MAK: variants seen among roughly 807,000 people sequenced by gnomAD.
The protein encoded by MAK is serine/threonine-protein kinase MAK.
A neutral mutation model predicts 82.6 loss-of-function variants in MAK; 65 were observed. The observed-to-expected ratio is 0.79, with a 90% CI of 0.64 to 0.97. The LOEUF is 0.97. Ranked by LOEUF, MAK falls within the 50% of genes least tolerant of loss-of-function variation. The pLI is 0.00. For synonymous variants in MAK, 250 were observed against 274.2 expected (o/e 0.91, Z 0.87); for missense variants, 703 against 780.2 (o/e 0.90, Z 1.18).
chr6:10,816,830 T>C (rs1777536490), intron 4 of MAK, among the ~76,000 whole-genome samples: 1 of 152,144 alleles, frequency 6.6e-6, no homozygotes, highest in Non-Finnish European at 1.5e-5. Context: ...TATTTATAAC[T>C]ATAAAGACTA....
intron 2 of MAK, among the ~76,000 whole-genome samples, chr6:10,824,403 G>A (rs570886458): frequency 6.6e-6 from 1 of 152,186 alleles, no homozygotes; most frequent in Admixed American, 6.6e-5. Context: ...TGTTCAACTT[G>A]TGGCTATTCC....
intron 2 of MAK, among the ~76,000 whole-genome samples, chr6:10,825,949 C>G (rs929104287): frequency 3.3e-5 from 5 of 152,292 alleles, no homozygotes; most frequent in African/African-American, 9.6e-5. Flanking sequence ...CAGTCTTGAC[C>G]TCTTCAATCG....
chr6:10,772,566 A>C (rs1364899231), intron 13 of MAK, among the ~76,000 whole-genome samples: 1 of 152,058 alleles, frequency 6.6e-6, no homozygotes, highest in Non-Finnish European at 1.5e-5. Flanking sequence ...GATGGTCTCT[A>C]TCTCTTGATC....
At chr6:10,772,542 A>C (rs1773104816) in intron 13 of MAK, among the ~76,000 whole-genome samples, 1 of 151,944 alleles carries the variant, frequency 6.6e-6, no homozygotes, top group South Asian at 2.1e-4. Flanking sequence ...CACGGGTTTC[A>C]TCATGTTGGC....
At chr6:10,824,899 G>A (rs889031195) in intron 2 of MAK, among the ~76,000 whole-genome samples, 1 of 152,106 alleles carries the variant, frequency 6.6e-6, no homozygotes, top group Non-Finnish European at 1.5e-5. Flanking sequence ...CACCACAGCC[G>A]ATGATATTGT....
rs752582518 is a variant in MAK at position 10,802,107 on chromosome 6, T to G, written c.664-48A>C. On this transcript the variant is annotated intron_variant, in intron 7 of 14. Transcript: ENST00000354489. ...CAGGTGGGGAGGGCAAAACAAATTG[T>G]TTTTAGTAATCCATTTAAAAAACAC... The G allele has an allele frequency of 1.3e-6, 2 of 1,487,620 alleles. 1 individual carries two copies. The highest frequency in any genetic ancestry group is 2.3e-5 in the South Asian group (2 of 86,064). The allele number at this position is 1,487,620 out of a possible 1,614,324, so 92.2% of individuals were successfully genotyped here.
Position 10,784,515 on chromosome 6 carries a change from T to C in MAK, c.1374A>G (p.Leu458=), listed in dbSNP as rs1418502089. ...CAGATTTTAGGGAAGTAACAGCAGG[T>C]AAGCTCTTGTTTTCCCCTGTCGAGT... ...SNHSTGENKS[L]PAVTSLKSDS... is the part of the protein sequence containing the mutation. Residue 458 remains leucine (L), a synonymous_variant, in exon 11 of 15, where the codon TTA becomes TTG. Transcript: ENST00000354489. The C allele has an allele frequency of 1.2e-6, 2 of 1,614,196 alleles. No individual in the cohort carries two copies. Among genetic ancestry groups the C allele is most frequent in the South Asian group, 2.2e-5 (2 of 91,084 alleles).
chr6:10,819,007 G>T, intron 2 of MAK, 67 bp from the exon 3 acceptor site: 1 of 877,244 alleles, frequency 1.1e-6, no homozygotes. Context: ...TTACACTGTT[G>T]GCTTTCTTAC....
Position 10,817,790 on chromosome 6 carries a change from C to A in MAK, c.278+60G>T. 3 of 1,350,060 alleles carry A rather than the reference C, an allele frequency of 2.2e-6. No individual in the cohort carries two copies. In the South Asian group the frequency reaches 3.7e-5, roughly 17 times the overall value. The allele number at this position is 1,350,060 out of a possible 1,614,324, so 83.6% of individuals were successfully genotyped here. On this transcript the variant is annotated intron_variant, in intron 4 of 14. Transcript: ENST00000354489. ...CTTTCTCTCATAAAGTATGACATAT[C>A]AAAAGGATCCAAAGAACTCATGGAG...
At chr6:10,805,069 TCG>T (rs1491137292) in intron 6 of MAK, among the ~76,000 whole-genome samples, 5 of 8,832 alleles carry the variant, frequency 5.7e-4, no homozygotes, top group Non-Finnish European at 8.6e-4. Context: ...CATGTGTGTG[TCG>T]GGGGGGGGGT....
In MAK at chr6:10,764,384, T is replaced by C. The variant is rs1772199336; in HGVS notation, c.*68A>G. On this transcript the variant is annotated 3_prime_UTR_variant, in exon 15 of 15. Transcript: ENST00000354489. ...CAGTAGAAATAGACATTTGTAGACA[T>C]TTCCCAGGGTCAAGGAACTTGCACG... 2 of 1,533,708 alleles carry C rather than the reference T, an allele frequency of 1.3e-6. No individual in the cohort carries two copies. Among genetic ancestry groups the C allele is most frequent in the Non-Finnish European group, 1.8e-6 (2 of 1,114,274 alleles).
Position 10,784,512 on chromosome 6 carries a change from A to G in MAK, c.1377T>C (p.Pro459=). ...AATCAGATTTTAGGGAAGTAACAGC[A>G]GGTAAGCTCTTGTTTTCCCCTGTCG... The part of the protein sequence containing the change: ...NHSTGENKSL[P]AVTSLKSDSE... Residue 459 remains proline, a synonymous_variant, in exon 11 of 15, where the codon CCT becomes CCC. Coordinates refer to ENST00000354489, the MANE Select transcript of MAK (RefSeq NM_001242957.3). 2 of 1,614,180 alleles carry G rather than the reference A, an allele frequency of 1.2e-6. No homozygotes were observed. The highest frequency in any genetic ancestry group is 1.1e-5 in the South Asian group (1 of 91,086).
chr6:10,802,369 A>G (rs1017507265), intron 7 of MAK: 3 of 302,382 alleles, frequency 9.9e-6, no homozygotes, highest in Non-Finnish European at 1.9e-5. Context: ...GCAGTGGAGC[A>G]ATCATGGCTC....
chr6:10,819,544 A>C (rs984196136), intron 2 of MAK, among the ~76,000 whole-genome samples: 19 of 152,166 alleles, frequency 1.2e-4, no homozygotes, highest in Non-Finnish European at 2.5e-4. Flanking sequence ...AGGCAGGAGA[A>C]TCACTTGAAC....
intron 2 of MAK, among the ~76,000 whole-genome samples, chr6:10,827,249 A>G (rs1051329560): frequency 2.0e-5 from 3 of 152,198 alleles, no homozygotes; most frequent in African/African-American, 7.2e-5. Context: ...CCAAGACCCA[A>G]CACCCCTTCT....
At chr6:10,770,893 C>G (rs1318732417) in intron 13 of MAK, among the ~76,000 whole-genome samples, 2 of 152,040 alleles carry the variant, frequency 1.3e-5, no homozygotes, top group African/African-American at 4.8e-5. Context: ...GGATGAGGGT[C>G]TGAACCACAG....
chr6:10,771,780 CTGAAT>C (rs1039926727), intron 13 of MAK, among the ~76,000 whole-genome samples: 4 of 152,228 alleles, frequency 2.6e-5, no homozygotes, highest in African/African-American at 4.8e-5. Context: ...TTTAACCCTA[CTGAAT>C]TTTGTGTAAG....
intron 2 of MAK, among the ~76,000 whole-genome samples, chr6:10,825,927 C>A (rs965807728): frequency 2.0e-5 from 3 of 152,302 alleles, no homozygotes; most frequent in South Asian, 4.1e-4. Context: ...TTCTAACTGG[C>A]CACCTGGTGT....
chr6:10,798,818 ATTT>A (rs1775784405), intron 8 of MAK, among the ~76,000 whole-genome samples: 2 of 149,218 alleles, frequency 1.3e-5, no homozygotes, highest in African/African-American at 5.0e-5. Flanking sequence ...TTATTTATTT[ATTT>A]ATTTATTTAT....
Sources: allele counts gnomAD v4.1 joint callset (sites outside exome capture counted in the v4.1 genomes callset), GRCh38; gene constraint gnomAD v4.1.1; transcripts MANE v1.5; gene names NCBI Gene and HGNC (gene_info 2026-07-23, HGNC 2026-07-21).